The following DCTD variants were observed in gnomAD, a reference collection of about 807,000 sequenced individuals.
The protein encoded by DCTD is deoxycytidylate deaminase.
Under a neutral mutation model 21.0 loss-of-function variants are expected in DCTD, and 23 were observed. The observed-to-expected ratio is 1.09, with a 90% CI of 0.79 to 1.55. The LOEUF is 1.55. DCTD is among the 40% of genes most tolerant of loss of function. DCTD has a pLI of 0.00. For missense variants in DCTD, 224 were observed against 230.0 expected (o/e 0.97, Z 0.17); for synonymous variants, 71 against 81.1 (o/e 0.88, Z 0.67).
At chr4:182,915,779 T>G (rs1160668769) in intron 1 of DCTD, 3 of 940,612 alleles carry the variant, frequency 3.2e-6, no homozygotes, top group Non-Finnish European at 4.4e-6. Context: ...TTTCAGAAGT[T>G]TGAATTTGAA....
At chr4:182,901,040 A>C (rs1323715459) in intron 3 of DCTD, among the ~76,000 whole-genome samples, 2 of 152,182 alleles carry the variant, frequency 1.3e-5, no homozygotes, top group Non-Finnish European at 2.9e-5. Context: ...AATTAACAGG[A>C]TATATTCCAT....
At chr4:182,901,586 C>T (rs757632404) in intron 3 of DCTD, among the ~76,000 whole-genome samples, 2 of 152,088 alleles carry the variant, frequency 1.3e-5, no homozygotes, top group South Asian at 2.1e-4. Flanking sequence ...CAGGCTGAGC[C>T]GTTCAGAGCA....
intron 3 of DCTD, among the ~76,000 whole-genome samples, chr4:182,907,839 T>C (rs1386622790): frequency 6.6e-6 from 1 of 152,194 alleles, no homozygotes; most frequent in Non-Finnish European, 1.5e-5. Flanking sequence ...TTCATAGAGA[T>C]ATTGAGAAAT....
intron 3 of DCTD, among the ~76,000 whole-genome samples, chr4:182,914,654 A>G (rs951666212): frequency 6.6e-6 from 1 of 152,240 alleles, no homozygotes; most frequent in Non-Finnish European, 1.5e-5. Context: ...GGTGCAGGCC[A>G]GCAGGTTGCC....
At chr4:182,901,500 G>C (rs1735733759) in intron 3 of DCTD, among the ~76,000 whole-genome samples, 1 of 152,166 alleles carries the variant, frequency 6.6e-6, no homozygotes, top group Admixed American at 6.5e-5. Context: ...CTCCCGCTAG[G>C]ACCGGGGTCA....
Position 182,914,924 on chromosome 4 carries a change from G to T in DCTD, c.243C>A (p.Tyr81Ter). 1 of 1,614,178 alleles carries T rather than the reference G, an allele frequency of 6.2e-7. No individual in the cohort carries two copies. Among genetic ancestry groups the T allele is most frequent in the Non-Finnish European group, 8.5e-7 (1 of 1,180,028 alleles). ...AENKLDTKYP[Y>*]VCHAELNAIM... ...AATGGGACATAAAACTTGCCCTACC[G>T]TACGGGTATTTGGTGTCCAGCTTAT... Residue 81 changes from tyrosine to a stop codon, truncating the protein, a stop_gained and splice_region_variant, in exon 3 of 6, where the codon TAC becomes TAA. Coordinates refer to ENST00000438320, the MANE Select transcript of DCTD (RefSeq NM_001921.3). LOFTEE classifies it high-confidence loss of function.
rs141364544 is a variant in DCTD at position 182,893,800 on chromosome 4, C to T, written c.362-673G>A. On this transcript the variant is annotated intron_variant, in intron 4 of 5. Coordinates refer to ENST00000438320, the MANE Select transcript of DCTD (RefSeq NM_001921.3). ...CGACAGCCAGGGAGCCCACGCGACTCCTCAGTACCAGCAGGCCGCTTCTGC... is the reference window on the plus strand; with the variant it reads ...CGACAGCCAGGGAGCCCACGCGACTTCTCAGTACCAGCAGGCCGCTTCTGC... Among the ~76,000 whole-genome samples the T allele has an allele frequency of 2.3e-3, 343 of 152,384 alleles. 3 individuals carry two copies. Among genetic ancestry groups the T allele is most frequent in the African/African-American group, 8.1e-3 (335 of 41,592 alleles).
chr4:182,914,651 G>C (rs1183725597), intron 3 of DCTD, among the ~76,000 whole-genome samples: 2 of 152,220 alleles, frequency 1.3e-5, no homozygotes, highest in Non-Finnish European at 2.9e-5. Flanking sequence ...TGTGGTGCAG[G>C]CCAGCAGGTT....
Position 182,896,611 on chromosome 4 carries a change from C to A in DCTD, c.245-2006G>T, listed in dbSNP as rs1734777783. 2.0e-5 allele frequency among the ~76,000 whole-genome samples: 3 copies of A among 152,240 alleles called. 1 individual carries two copies. In the Middle Eastern group the frequency reaches 0.01, roughly 518 times the overall value. ...GAAAGACAAGAGAAGGGTGCGAGGG[C>A]CCGGGCTTGGGAAGGCACAAGGTAT... On this transcript the variant is annotated intron_variant, in intron 3 of 5. Transcript: ENST00000438320.
At chr4:182,892,735 T>C (rs1399328355) in intron 5 of DCTD, among the ~76,000 whole-genome samples, 4 of 152,236 alleles carry the variant, frequency 2.6e-5, no homozygotes, top group African/African-American at 9.6e-5. Context: ...GGTTTGGCAT[T>C]CCTATTATAA....
At chr4:182,892,818 A>T (rs577145906) in intron 5 of DCTD, among the ~76,000 whole-genome samples, 1 of 152,380 alleles carries the variant, frequency 6.6e-6, no homozygotes, top group South Asian at 2.1e-4. Context: ...CTGAAATTAA[A>T]GTACAATCAT....
chr4:182,903,134 A>G (rs761163371), intron 3 of DCTD, among the ~76,000 whole-genome samples: 25 of 152,148 alleles, frequency 1.6e-4, no homozygotes, highest in Non-Finnish European at 2.2e-4. Context: ...ACACAGTAGG[A>G]AAATGCTGTG....
chr4:182,898,536 G>A (rs1349545675), intron 3 of DCTD, among the ~76,000 whole-genome samples: 1 of 152,176 alleles, frequency 6.6e-6, no homozygotes, highest in African/African-American at 2.4e-5. Flanking sequence ...CTCCAGAACA[G>A]GTGACTTTCT....
At chr4:182,908,556 C>A (rs1737115933) in intron 3 of DCTD, among the ~76,000 whole-genome samples, 1 of 151,728 alleles carries the variant, frequency 6.6e-6, no homozygotes, top group Non-Finnish European at 1.5e-5. Context: ...GTGGCACGTG[C>A]CTGTAATCAC....
At chr4:182,907,016 T>G (rs1736840267) in intron 3 of DCTD, among the ~76,000 whole-genome samples, 2 of 152,264 alleles carry the variant, frequency 1.3e-5, no homozygotes, top group Admixed American at 1.3e-4. Context: ...TGCTGACTTG[T>G]TCTCTAAAGA....
At position 182,890,308 on chromosome 4, in the gene DCTD, A is replaced by G. The variant is rs1271282115; in HGVS notation, c.*1091T>C. 1.3e-5 allele frequency: 2 copies of G among 152,244 alleles called. No homozygotes were observed. The highest frequency in any genetic ancestry group is 2.9e-5 in the Non-Finnish European group (2 of 68,048). 9.4% of individuals were successfully genotyped at this position (152,244 alleles called of 1,614,324 possible). On this transcript the variant is annotated 3_prime_UTR_variant, in exon 6 of 6. Coordinates refer to ENST00000438320, the MANE Select transcript of DCTD (RefSeq NM_001921.3). Reference sequence around the variant, plus strand: ...TAATAAAAATTAAATGAGATTAAAGAGAAGGGGCACAGCCACACGCTCCCC... The same window carrying G: ...TAATAAAAATTAAATGAGATTAAAGGGAAGGGGCACAGCCACACGCTCCCC...
At chr4:182,902,491 C>T (rs868512638) in intron 3 of DCTD, among the ~76,000 whole-genome samples, 1 of 152,206 alleles carries the variant, frequency 6.6e-6, no homozygotes, top group South Asian at 2.1e-4. Flanking sequence ...CTCTTGCTCC[C>T]CGCCCCTCTC....
chr4:182,903,977 C>T (rs1164951880), intron 3 of DCTD, among the ~76,000 whole-genome samples: 2 of 152,176 alleles, frequency 1.3e-5, no homozygotes, highest in African/African-American at 4.8e-5. Flanking sequence ...TGAGTGCTTC[C>T]CATCCTCTCC....
At chr4:182,902,358 C>T (rs1450804068) in intron 3 of DCTD, among the ~76,000 whole-genome samples, 1 of 152,212 alleles carries the variant, frequency 6.6e-6, no homozygotes, top group Non-Finnish European at 1.5e-5. Flanking sequence ...ATTAGTAAAG[C>T]AGCAATCTGG....
Sources: allele counts gnomAD v4.1 joint callset (sites outside exome capture counted in the v4.1 genomes callset), GRCh38; gene constraint gnomAD v4.1.1; transcripts MANE v1.5; gene names NCBI Gene and HGNC (gene_info 2026-07-23, HGNC 2026-07-21).